The following LINGO2 variants were observed in gnomAD, a reference collection of about 807,000 sequenced individuals.
LINGO2 encodes the protein leucine-rich repeat and immunoglobulin-like domain-containing nogo receptor-interacting protein 2.
A neutral mutation model predicts 30.6 loss-of-function variants in LINGO2; 14 were observed. The ratio of observed to expected loss-of-function variants is 0.46; its 90% confidence interval spans 0.30 to 0.72. The LOEUF (loss-of-function observed/expected upper bound fraction) is 0.72, where lower values mean the gene tolerates loss of function less well. Ranked by LOEUF, LINGO2 falls within the 30% of genes least tolerant of loss-of-function variation. The probability of loss-of-function intolerance (pLI) is 0.07; values close to 1 mark genes in which losing one functional copy is unlikely to be tolerated. For missense variants in LINGO2, 729 were observed against 751.7 expected (o/e 0.97, Z 0.35); for synonymous variants, 317 against 288.5 (o/e 1.10, Z -1.00).
At chr9:28,780,974 T>C in the LINGO2 span, among the ~76,000 whole-genome samples, 1 of 151,976 alleles carries the variant, frequency 6.6e-6, no homozygotes, top group Non-Finnish European at 1.5e-5. Flanking sequence ...GTAACAAAAA[T>C]ATTTTCAAAA....
chr9:28,936,782 G>C, the LINGO2 span, among the ~76,000 whole-genome samples: 2 of 152,146 alleles, frequency 1.3e-5, no homozygotes, highest in African/African-American at 4.8e-5. Flanking sequence ...TGAACATATT[G>C]TATTTGTCAG....
the LINGO2 span, among the ~76,000 whole-genome samples, chr9:28,981,758 T>C: frequency 2.0e-5 from 3 of 152,124 alleles, no homozygotes; most frequent in Admixed American, 6.6e-5. Flanking sequence ...AGCTTATTTA[T>C]TGAGTTTCTA....
chr9:28,655,608 C>G (rs7857762), intron 1 of LINGO2, among the ~76,000 whole-genome samples: 1 of 151,860 alleles, frequency 6.6e-6, no homozygotes, highest in Non-Finnish European at 1.5e-5. Flanking sequence ...CCATAATCCC[C>G]GCATGTTATG....
intron 1 of LINGO2, among the ~76,000 whole-genome samples, chr9:28,612,587 C>T (rs949465101): frequency 1.3e-5 from 2 of 152,038 alleles, no homozygotes; most frequent in Admixed American, 1.3e-4. Flanking sequence ...GCTTGTAGAC[C>T]CTTTGTTTTA....
At chr9:28,434,327 T>TA (rs1176728036) in intron 2 of LINGO2, among the ~76,000 whole-genome samples, 12 of 94,180 alleles carry the variant, frequency 1.3e-4, no homozygotes, top group South Asian at 4.0e-4. Flanking sequence ...ATTACTAAAA[T>TA]AAAAAAAATT....
chr9:29,210,903 C>T, the LINGO2 span, among the ~76,000 whole-genome samples: 14 of 152,016 alleles, frequency 9.2e-5, no homozygotes, highest in Non-Finnish European at 1.5e-4. Context: ...TTGGGAGTAA[C>T]GCATGCTACT....
At chr9:28,270,395 TATG>T in intron 4 of LINGO2, among the ~76,000 whole-genome samples, 1 of 151,926 alleles carries the variant, frequency 6.6e-6, no homozygotes, top group Non-Finnish European at 1.5e-5. Flanking sequence ...ATCTAGCACC[TATG>T]ATGACCACCC....
At chr9:28,358,426 A>T (rs1487460376) in intron 3 of LINGO2, among the ~76,000 whole-genome samples, 1 of 152,074 alleles carries the variant, frequency 6.6e-6, no homozygotes. Context: ...TTTTTAATTG[A>T]TCAGTCACAA....
chr9:28,364,202 A>G (rs1456864916), intron 3 of LINGO2, among the ~76,000 whole-genome samples: 1 of 152,204 alleles, frequency 6.6e-6, no homozygotes, highest in African/African-American at 2.4e-5. Context: ...TAGACATAAC[A>G]GTTTGGTCTA....
the LINGO2 span, among the ~76,000 whole-genome samples, chr9:28,883,618 ATG>A: frequency 1.7e-4 from 6 of 36,290 alleles, no homozygotes; most frequent in African/African-American, 4.3e-4. Context: ...TATATAAAAT[ATG>A]TGTGTGTGTA....
chr9:28,925,486 C>T, the LINGO2 span, among the ~76,000 whole-genome samples: 1 of 152,154 alleles, frequency 6.6e-6, no homozygotes, highest in Non-Finnish European at 1.5e-5. Flanking sequence ...TGGGTAATAC[C>T]CCATGCAAAC....
chr9:28,610,865 C>CT lies in LINGO2; in HGVS notation c.-365+59334dup, dbSNP rs561871985. On this transcript the variant is annotated intron_variant, in intron 1 of 5. Coordinates refer to ENST00000379992, the Ensembl canonical transcript of LINGO2. Reference sequence around the variant, plus strand: ...CTCCACATCTTTAGTAACTTTTAACCTTTTTTGTATGGCAGATCTCTAACA... The same window carrying CT: ...CTCCACATCTTTAGTAACTTTTAACCTTTTTTTGTATGGCAGATCTCTAACA... Among the ~76,000 whole-genome samples the CT allele has an allele frequency of 2.8e-4, 43 of 151,550 alleles. 1 individual carries two copies. In the South Asian group the frequency reaches 8.7e-3, roughly 31 times the overall value.
intron 3 of LINGO2, among the ~76,000 whole-genome samples, chr9:28,341,769 C>T (rs1391562633): frequency 6.6e-6 from 1 of 152,166 alleles, no homozygotes; most frequent in Non-Finnish European, 1.5e-5. Context: ...GACTGGCCTC[C>T]TGACTCAAAA....
At chr9:28,449,388 T>TA (rs1824559056) in intron 2 of LINGO2, among the ~76,000 whole-genome samples, 1 of 151,980 alleles carries the variant, frequency 6.6e-6, no homozygotes, top group Non-Finnish European at 1.5e-5. Context: ...TTTCTTTTTT[T>TA]TAAAAAAAGT....
At chr9:28,869,503 A>T in the LINGO2 span, among the ~76,000 whole-genome samples, 1 of 152,074 alleles carries the variant, frequency 6.6e-6, no homozygotes, top group Non-Finnish European at 1.5e-5. Flanking sequence ...GCGAAATTCA[A>T]GAGACAATGT....
chr9:28,849,567 G>A, the LINGO2 span, among the ~76,000 whole-genome samples: 6 of 151,960 alleles, frequency 3.9e-5, no homozygotes, highest in South Asian at 1.2e-3. Context: ...ATTAACAGAG[G>A]AAGCTGAGAC....
chr9:28,451,594 T>C (rs1453739453), intron 2 of LINGO2, among the ~76,000 whole-genome samples: 2 of 151,768 alleles, frequency 1.3e-5, no homozygotes, highest in Non-Finnish European at 3.0e-5. Flanking sequence ...AGTGTATTTT[T>C]AAACCAATTA....
chr9:29,063,497 GGTTTGA>G, the LINGO2 span, among the ~76,000 whole-genome samples: 1 of 151,514 alleles, frequency 6.6e-6, no homozygotes, highest in Admixed American at 6.6e-5. Flanking sequence ...CTGCCTCCCA[GGTTTGA>G]GCAATTCTTC....
intron 4 of LINGO2, among the ~76,000 whole-genome samples, chr9:28,041,653 T>C (rs910786804): frequency 1.1e-4 from 17 of 152,204 alleles, no homozygotes; most frequent in African/African-American, 4.1e-4. Context: ...AAGAAAAATA[T>C]GATTTATATA....
Sources: gnomAD v4.1 joint callset for allele counts (sites outside exome capture counted in the v4.1 genomes callset) on GRCh38, gnomAD v4.1.1 for gene constraint, MANE v1.5 for transcripts, NCBI Gene and HGNC (gene_info 2026-07-23, HGNC 2026-07-21) for gene names.